The following LOXHD1 variants were observed in gnomAD, a reference collection of about 807,000 sequenced individuals.
The protein encoded by LOXHD1 is lipoxygenase homology PLAT domains 1.
LOXHD1 carries 205 observed loss-of-function variants against 248.2 expected under a neutral mutation model. That is an observed-to-expected ratio of 0.83 (90% CI 0.74 to 0.93). The LOEUF is 0.93. Among genes scored for constraint, LOXHD1 ranks in the 40% least tolerant of loss-of-function variants. The probability of loss-of-function intolerance (pLI) is 0.00; values close to 1 mark genes in which losing one functional copy is unlikely to be tolerated. For missense variants in LOXHD1, 2,930 were observed against 2,971.6 expected (o/e 0.99, Z 0.33); for synonymous variants, 1,113 against 1,162.8 (o/e 0.96, Z 0.87).
intron 5 of LOXHD1, among the ~76,000 whole-genome samples, chr18:46,613,381 T>C (rs1292049684): frequency 6.6e-6 from 1 of 152,162 alleles, no homozygotes; most frequent in Non-Finnish European, 1.5e-5. Context: ...GCATTACTAA[T>C]TTTTATTACT....
chr18:46,639,162 G>A (rs1489758336), intron 4 of LOXHD1, among the ~76,000 whole-genome samples: 14 of 152,182 alleles, frequency 9.2e-5, no homozygotes, highest in Admixed American at 9.2e-4. Context: ...AGGAGTCAGA[G>A]GGCAGCATGA....
At chr18:46,535,946 G>A (rs1274213024) in intron 26 of LOXHD1, among the ~76,000 whole-genome samples, 1 of 152,166 alleles carries the variant, frequency 6.6e-6, no homozygotes, top group Admixed American at 6.5e-5. Flanking sequence ...GGGCCTCAGA[G>A]AAAGACTCAG....
At chr18:46,542,661 T>C (rs1012358210) in intron 24 of LOXHD1, 66 bp downstream of exon 24, 1 of 1,527,290 alleles carries the variant, frequency 6.5e-7, no homozygotes, top group Non-Finnish European at 8.8e-7. Context: ...CTTTCCCAGA[T>C]GCCCACAAGG....
At chr18:46,520,800 G>T in intron 33 of LOXHD1, 1 of 362,574 alleles carries the variant, frequency 2.8e-6, no homozygotes, top group Non-Finnish European at 5.1e-6. Context: ...TTCTCAACAA[G>T]ACCATACATG....
chr18:46,614,953 G>A (rs2038564516), intron 5 of LOXHD1, among the ~76,000 whole-genome samples: 2 of 152,112 alleles, frequency 1.3e-5, no homozygotes, highest in Non-Finnish European at 2.9e-5. Flanking sequence ...TTGGTGTGAT[G>A]TCTTGGGTGA....
rs2037643002 is a variant in LOXHD1 at position 46,566,433 on chromosome 18, A to T, written c.2261T>A (p.Ile754Asn). The change falls in exon 17 of 41, where the codon ATT becomes AAT. Residue 754 changes from isoleucine (I) to asparagine (N), a missense_variant. Ile to Asn is a moderately radical substitution (Grantham distance 149). Transcript: ENST00000642948. ...LNIGNINRLV[I>N]GHDSTGMHAS... is the part of the protein sequence containing the mutation. ...ATGCATGCCAGTGCTGTCATGCCCA[A>T]TCACCAGCCGGTTGATCTGAAGGAA... 8 of 1,550,160 alleles carry T rather than the reference A, an allele frequency of 5.2e-6. No homozygotes were observed. The highest frequency in any genetic ancestry group is 7.0e-6 in the Non-Finnish European group (8 of 1,146,940).
intron 4 of LOXHD1, among the ~76,000 whole-genome samples, chr18:46,629,811 AAAAAGAAAG>A (rs997584586): frequency 1.3e-5 from 2 of 151,586 alleles, no homozygotes; most frequent in African/African-American, 4.8e-5. Flanking sequence ...AAAAAAAGAA[AAAAAGAAAG>A]AAAGAAAAAA....
intron 17 of LOXHD1, 48 bp downstream of exon 17, chr18:46,566,209 A>T: frequency 1.3e-6 from 2 of 1,509,436 alleles, no homozygotes; most frequent in Non-Finnish European, 1.8e-6. Context: ...CCTCAGCCCC[A>T]TCCCCCATGG....
rs1176160701 is a variant in LOXHD1, at chr18:46,547,069, G to A, written c.3351-11C>T. On this transcript the variant is annotated splice_polypyrimidine_tract_variant and intron_variant, in intron 21 of 40. Transcript: ENST00000642948. Reference sequence around the variant, plus strand: ...CATGGAAAGTAGTACCTGTGGGGGTGGATAGGGAAAGATTGGAATGTCCTC... The same window carrying A: ...CATGGAAAGTAGTACCTGTGGGGGTAGATAGGGAAAGATTGGAATGTCCTC... The A allele has an allele frequency of 6.4e-7, 1 of 1,551,668 alleles. No individual in the cohort carries two copies. Among genetic ancestry groups the A allele is most frequent in the African/African-American group, 1.4e-5 (1 of 73,156 alleles).
chr18:46,643,198 C>A (rs768977670), intron 2 of LOXHD1, among the ~76,000 whole-genome samples: 1 of 152,102 alleles, frequency 6.6e-6, no homozygotes, highest in Non-Finnish European at 1.5e-5. Context: ...TGGAGGCAGC[C>A]TTGTCAGGGA....
chr18:46,522,482 C>A (rs2035628614), intron 31 of LOXHD1, among the ~76,000 whole-genome samples, 173 bp from the exon 32 acceptor site: 1 of 152,214 alleles, frequency 6.6e-6, no homozygotes. Context: ...TGTGTCTCCT[C>A]TCCAAGAACT....
chr18:46,559,326 G>A (rs1192348069), intron 20 of LOXHD1, 122 bp downstream of exon 20: 1 of 1,547,664 alleles, frequency 6.5e-7, no homozygotes, highest in Non-Finnish European at 8.7e-7. Context: ...ATGAAACCTG[G>A]TGGGATGAAC....
chr18:46,531,639 C>A (rs1464080281), intron 28 of LOXHD1, among the ~76,000 whole-genome samples: 2 of 152,328 alleles, frequency 1.3e-5, no homozygotes, highest in East Asian at 3.9e-4. Flanking sequence ...GAATGCTGAG[C>A]AATGCAGTAG....
rs2038497018 is a variant in LOXHD1 at position 46,610,826 on chromosome 18, T to C, written c.709A>G (p.Asn237Asp). 6.4e-7 allele frequency: 1 copy of C among 1,551,754 alleles called. No individual in the cohort carries two copies. The highest frequency in any genetic ancestry group is 8.7e-7 in the Non-Finnish European group (1 of 1,146,990). The change falls in exon 6 of 41, where the codon AAT becomes GAT. Residue 237 changes from asparagine (N) to aspartate (D), a missense_variant. Transcript: ENST00000642948. ...CCCCCCTTATTGTTGTGGCCAACAT[T>C]GATCTTCATCAGCTGCCCCAAATCC... ...APDLGQLMKI[N>D]VGHNNKGGSA...
chr18:46,512,706 G>T (rs1431185619), intron 34 of LOXHD1, among the ~76,000 whole-genome samples: 2 of 152,146 alleles, frequency 1.3e-5, no homozygotes, highest in East Asian at 1.9e-4. Context: ...GTAAGTTTTT[G>T]TTACATTGAG....
chr18:46,583,204 G>C (rs1258487271), intron 12 of LOXHD1, among the ~76,000 whole-genome samples: 2 of 152,150 alleles, frequency 1.3e-5, no homozygotes, highest in African/African-American at 4.8e-5. Context: ...AAAGTGAAAA[G>C]ATTGATTAAA....
At chr18:46,510,927 C>T (rs1379313976) in intron 34 of LOXHD1, among the ~76,000 whole-genome samples, 1 of 152,242 alleles carries the variant, frequency 6.6e-6, no homozygotes, top group African/African-American at 2.4e-5. Context: ...ACATTCATGT[C>T]ACACACTGAG....
rs776869500 is a variant in LOXHD1, at chr18:46,560,497, T to C, written c.2647A>G (p.Thr883Ala). The C allele has an allele frequency of 6.5e-7, 1 of 1,537,846 alleles. No individual in the cohort carries two copies. The highest frequency in any genetic ancestry group is 1.2e-5 in the South Asian group (1 of 84,018). Residue 883 changes from threonine (T) to alanine (A), a missense_variant, in exon 19 of 41, where the codon ACG becomes GCG. Transcript: ENST00000642948. The stretch of plus-strand genomic sequence containing the variant: ...CAGCTGGGCCCAAAGCCCTCGCCCG[T>C]GTGCCCGAGCCGGAGCTTATAGACC... ...GEVYKLRLGH[T>A]GEGFGPSWFV...
intron 29 of LOXHD1, among the ~76,000 whole-genome samples, chr18:46,525,433 G>A (rs1002898083): frequency 6.6e-6 from 1 of 152,164 alleles, no homozygotes; most frequent in East Asian, 1.9e-4. Context: ...AGTCTGGGCT[G>A]CAGGAGAGGA....
Sources: allele counts gnomAD v4.1 joint callset (sites outside exome capture counted in the v4.1 genomes callset), GRCh38; gene constraint gnomAD v4.1.1; transcripts MANE v1.5; gene names NCBI Gene and HGNC (gene_info 2026-07-23, HGNC 2026-07-21).